The following KANSL1L variants were observed in gnomAD, a reference collection of about 807,000 sequenced individuals.
The protein encoded by KANSL1L is KAT8 regulatory NSL complex subunit 1-like protein.
A neutral mutation model predicts 108.6 loss-of-function variants in KANSL1L; 25 were observed. The ratio of observed to expected loss-of-function variants is 0.23; its 90% CI spans 0.17 to 0.32. KANSL1L has a LOEUF of 0.32. Among genes scored for constraint, KANSL1L ranks in the 10% least tolerant of loss-of-function variants. KANSL1L has a pLI of 1.00. For missense variants in KANSL1L, 1,137 were observed against 1,125.7 expected (o/e 1.01, Z -0.14); for synonymous variants, 405 against 395.1 (o/e 1.03, Z -0.30).
At chr2:210,084,429 A>G (rs920929403) in intron 5 of KANSL1L, among the ~76,000 whole-genome samples, 1 of 152,158 alleles carries the variant, frequency 6.6e-6, no homozygotes, top group African/African-American at 2.4e-5. Context: ...TCTTAGAAAG[A>G]AAAATTAAGA....
At chr2:210,131,574 T>C (rs1054179650) in intron 2 of KANSL1L, among the ~76,000 whole-genome samples, 4 of 152,138 alleles carry the variant, frequency 2.6e-5, no homozygotes, top group Admixed American at 6.6e-5. Context: ...ATACTCAAGT[T>C]AGGATTACAA....
intron 5 of KANSL1L, among the ~76,000 whole-genome samples, chr2:210,084,953 G>A (rs1004860777): frequency 2.0e-5 from 3 of 151,944 alleles, no homozygotes; most frequent in Non-Finnish European, 4.4e-5. Context: ...ATTTTGAAAT[G>A]GCTATTGAAA....
At chr2:210,112,403 G>A (rs757458728) in intron 3 of KANSL1L, among the ~76,000 whole-genome samples, 1 of 152,146 alleles carries the variant, frequency 6.6e-6, no homozygotes, top group African/African-American at 2.4e-5. Context: ...CACATTGACA[G>A]TAGACTTCTC....
intron 2 of KANSL1L, among the ~76,000 whole-genome samples, chr2:210,144,532 C>T (rs535350112): frequency 6.6e-6 from 1 of 152,282 alleles, no homozygotes; most frequent in Non-Finnish European, 1.5e-5. Context: ...TGGATATTTT[C>T]AAATAACCTG....
At chr2:210,122,841 G>GAA (rs34412653) in intron 3 of KANSL1L, among the ~76,000 whole-genome samples, 3 of 149,438 alleles carry the variant, frequency 2.0e-5, no homozygotes, top group African/African-American at 7.4e-5. Flanking sequence ...CAAATCAATA[G>GAA]AAAAAAAAAA....
intron 3 of KANSL1L, 52 bp downstream of exon 3, chr2:210,128,979 T>C (rs774665815): frequency 7.0e-6 from 10 of 1,433,002 alleles, no homozygotes; most frequent in Non-Finnish European, 9.6e-6. Flanking sequence ...TGAGAAGGAA[T>C]GAAAACATTA....
At chr2:210,068,921 G>C (rs962687661) in intron 6 of KANSL1L, among the ~76,000 whole-genome samples, 1 of 152,100 alleles carries the variant, frequency 6.6e-6, no homozygotes, top group Non-Finnish European at 1.5e-5. Context: ...CCCAGCAAAA[G>C]TTTGTCTCTG....
chr2:210,098,012 A>G lies in KANSL1L; in HGVS notation c.1550+74T>C, dbSNP rs1271477437. The G allele has an allele frequency of 8.1e-6, 11 of 1,365,110 alleles. 1 individual carries two copies. In the South Asian group the frequency reaches 1.4e-4, roughly 18 times the overall value. The allele number at this position is 1,365,110 out of a possible 1,614,324, so 84.6% of individuals were successfully genotyped here. On this transcript the variant is annotated intron_variant, in intron 5 of 14. Coordinates refer to ENST00000281772, the MANE Select transcript of KANSL1L (RefSeq NM_152519.4). ...AAAAAGTAGCTATAATACTTAAAATATCAAAACAAAATCAAAATAAGATAA... is the reference window on the plus strand; with the variant it reads ...AAAAAGTAGCTATAATACTTAAAATGTCAAAACAAAATCAAAATAAGATAA...
At chr2:210,073,322 T>A (rs1305416659) in intron 6 of KANSL1L, among the ~76,000 whole-genome samples, 1 of 152,140 alleles carries the variant, frequency 6.6e-6, no homozygotes, top group Non-Finnish European at 1.5e-5. Flanking sequence ...TCAGGATAAG[T>A]CTGAGTCTAC....
intron 1 of KANSL1L, among the ~76,000 whole-genome samples, chr2:210,157,586 G>T (rs2095340537): frequency 6.8e-6 from 1 of 147,706 alleles, no homozygotes; most frequent in African/African-American, 2.5e-5. Context: ...AGCTACTTGA[G>T]AGGCTAAGGC....
chr2:210,155,072 A>C (rs2095325542), intron 1 of KANSL1L: 1 of 152,220 alleles, frequency 6.6e-6, no homozygotes, highest in Non-Finnish European at 1.5e-5. Flanking sequence ...CACAGCCTGA[A>C]CGGTATTAAT....
At chr2:210,137,661 T>TA (rs746269361) in intron 2 of KANSL1L, among the ~76,000 whole-genome samples, 21 of 152,186 alleles carry the variant, frequency 1.4e-4, no homozygotes, top group Non-Finnish European at 2.9e-4. Context: ...TCCTCAGTGC[T>TA]AAAGATGCCA....
At chr2:210,053,836 T>C (rs978701273) in intron 6 of KANSL1L, among the ~76,000 whole-genome samples, 1 of 150,850 alleles carries the variant, frequency 6.6e-6, no homozygotes, top group Non-Finnish European at 1.5e-5. Context: ...TCAGAAAAAA[T>C]GTAATAAAAT....
At chr2:210,032,557 A>G (rs959106547) in intron 8 of KANSL1L, 10 of 152,260 alleles carry the variant, frequency 6.6e-5, no homozygotes, top group African/African-American at 2.4e-4. Context: ...TTGACTGCAC[A>G]TGCCAATATC....
In KANSL1L at chr2:210,044,201, G is replaced by C. The variant is rs1453695377; in HGVS notation, c.1756-97C>G. The C allele has an allele frequency of 1.5e-5, 12 of 809,676 alleles. No homozygotes were observed. Among genetic ancestry groups the C allele is most frequent in the Non-Finnish European group, 2.1e-5 (12 of 568,788 alleles). The allele number at this position is 809,676 out of a possible 1,614,324, so 50.2% of individuals were successfully genotyped here. On this transcript the variant is annotated intron_variant, in intron 6 of 14. Coordinates refer to ENST00000281772, the MANE Select transcript of KANSL1L (RefSeq NM_152519.4). This position sits in a 1 kb window ranked among gnomAD's most constrained non-coding sequence, Gnocchi z 4.2. Reference sequence around the variant, plus strand: ...GGTTATCTTTAAATAAAATTTTCCAGTTCTACAAAAAGTTTTACAAATATT... The same window carrying C: ...GGTTATCTTTAAATAAAATTTTCCACTTCTACAAAAAGTTTTACAAATATT...
intron 6 of KANSL1L, among the ~76,000 whole-genome samples, chr2:210,046,949 T>A (rs1205096547): frequency 1.3e-5 from 2 of 152,150 alleles, no homozygotes; most frequent in Non-Finnish European, 2.9e-5. Flanking sequence ...GCAGAACCCA[T>A]AATGTACGGT....
chr2:210,032,815 A>G (rs915992183), intron 8 of KANSL1L: 1 of 152,250 alleles, frequency 6.6e-6, no homozygotes, highest in African/African-American at 2.4e-5. Context: ...TACCAACACA[A>G]TCAAAAAAGA....
At chr2:210,046,680 C>G (rs956530500) in intron 6 of KANSL1L, among the ~76,000 whole-genome samples, 1 of 152,154 alleles carries the variant, frequency 6.6e-6, no homozygotes, top group African/African-American at 2.4e-5. Flanking sequence ...CAGTCCCAAG[C>G]TTGTGGCTCT....
intron 2 of KANSL1L, among the ~76,000 whole-genome samples, chr2:210,140,853 C>T (rs567436380): frequency 6.6e-6 from 1 of 152,134 alleles, no homozygotes; most frequent in African/African-American, 2.4e-5. Flanking sequence ...ATATCTTTCA[C>T]CACCATGGTT....
Sources: gnomAD v4.1 joint callset for allele counts (sites outside exome capture counted in the v4.1 genomes callset) on GRCh38, gnomAD v4.1.1 for gene constraint, Gnocchi (gnomAD v3.1) non-coding constraint, MANE v1.5 for transcripts, NCBI Gene and HGNC (gene_info 2026-07-23, HGNC 2026-07-21) for gene names.